Variants in ERICH2 observed in about 807,000 individuals in gnomAD.
ERICH2 encodes the protein glutamate rich 2.
A neutral mutation model predicts 17.4 loss-of-function variants in ERICH2; 17 were observed. The ratio of observed to expected loss-of-function variants is 0.98; its 90% CI spans 0.67 to 1.47. The LOEUF (loss-of-function observed/expected upper bound fraction) is 1.47, where lower values mean the gene tolerates loss of function less well. Among genes scored for constraint, ERICH2 ranks in the 40% most tolerant of loss-of-function variants. The probability of loss-of-function intolerance (pLI) is 0.00; values close to 1 mark genes in which losing one functional copy is unlikely to be tolerated. For missense variants in ERICH2, 186 were observed against 183.2 expected, an observed-to-expected ratio of 1.01 and a Z score of -0.09; for synonymous variants, 51 against 61.1, an observed-to-expected ratio of 0.83 and a Z score of 0.77.
At chr2:170,774,023 A>G in the ERICH2 span, among the ~76,000 whole-genome samples, 1 of 152,150 alleles carries the variant, frequency 6.6e-6, no homozygotes, top group Admixed American at 6.5e-5. Flanking sequence ...CACCTGACCC[A>G]AATACCTGTT....
chr2:170,775,753 A>C, the ERICH2 span: 1 of 154,010 alleles, frequency 6.5e-6, no homozygotes, highest in Non-Finnish European at 1.5e-5. Context: ...GAATTAACGT[A>C]TGTAATGTTG....
chr2:170,777,625 G>T, the ERICH2 span: 3 of 1,226,454 alleles, frequency 2.4e-6, no homozygotes, highest in Non-Finnish European at 3.1e-6. Context: ...AATACTGAGG[G>T]TATTTTTTTC....
At chr2:170,796,732 C>T (rs112373667) in intron 3 of ERICH2, among the ~76,000 whole-genome samples, 3,093 of 152,170 alleles carry the variant, frequency 0.02, 126 homozygotes, top group Admixed American at 0.1. Context: ...CCACCATGCC[C>T]AGCCTCACAA....
intron 2 of ERICH2, among the ~76,000 whole-genome samples, chr2:170,789,664 C>T (rs547711128): frequency 1.8e-4 from 27 of 152,262 alleles, no homozygotes; most frequent in Admixed American, 1.4e-3. Context: ...CTTAATTTTA[C>T]TGCCTTTTGA....
At chr2:170,797,659 G>A (rs566074671) in intron 3 of ERICH2, among the ~76,000 whole-genome samples, 14 of 152,032 alleles carry the variant, frequency 9.2e-5, no homozygotes, top group African/African-American at 2.2e-4. Context: ...TTAGCCAGGC[G>A]TGGTGGCACA....
chr2:170,793,683 G>A (rs1701344411), intron 3 of ERICH2, among the ~76,000 whole-genome samples: 1 of 152,236 alleles, frequency 6.6e-6, no homozygotes, highest in African/African-American at 2.4e-5. Flanking sequence ...TAGGCAAGGG[G>A]TTGTCAGATT....
At chr2:170,775,207 G>A in the ERICH2 span, among the ~76,000 whole-genome samples, 7 of 151,656 alleles carry the variant, frequency 4.6e-5, no homozygotes, top group South Asian at 2.1e-4. Context: ...CAGGAGGATC[G>A]CTTAAGAGCC....
At chr2:170,774,189 T>A in the ERICH2 span, among the ~76,000 whole-genome samples, 1 of 152,230 alleles carries the variant, frequency 6.6e-6, no homozygotes, top group Non-Finnish European at 1.5e-5. Flanking sequence ...CAAGTATCAG[T>A]ACTTTAGGTA....
At chr2:170,784,623 A>C (rs1376946499) in intron 1 of ERICH2, 23 bp from the exon 7 acceptor site, 6 of 1,403,718 alleles carry the variant, frequency 4.3e-6, no homozygotes, top group Admixed American at 3.0e-5. Flanking sequence ...TCTTTTGATT[A>C]AATTAGGTAT....
intron 3 of ERICH2, among the ~76,000 whole-genome samples, chr2:170,796,211 T>C (rs1193256427): frequency 1.3e-5 from 2 of 152,174 alleles, no homozygotes; most frequent in Non-Finnish European, 2.9e-5. Context: ...TGGGTATGTA[T>C]AATGATACAT....
intron 2 of ERICH2, among the ~76,000 whole-genome samples, chr2:170,791,703 TAAATA>T (rs570648832): frequency 0.015 from 2,020 of 135,800 alleles, 53 homozygotes; most frequent in African/African-American, 0.045. Flanking sequence ...AATAAATAAA[TAAATA>T]AAATAAAATA....
At chr2:170,793,984 C>A (rs943895134) in intron 3 of ERICH2, among the ~76,000 whole-genome samples, 5 of 151,834 alleles carry the variant, frequency 3.3e-5, no homozygotes, top group Non-Finnish European at 1.5e-5. Flanking sequence ...TCCAATTACA[C>A]ACAAATTAGA....
chr2:170,775,649 C>G, the ERICH2 span: 3 of 152,234 alleles, frequency 2.0e-5, no homozygotes, highest in African/African-American at 7.3e-5. Context: ...TTCATTTATC[C>G]TAGAGTTTGG....
intron 2 of ERICH2, among the ~76,000 whole-genome samples, 196 bp from the exon 8 acceptor site, chr2:170,792,667 A>T (rs1487885665): frequency 6.6e-6 from 1 of 152,206 alleles, no homozygotes; most frequent in Non-Finnish European, 1.5e-5. Context: ...TATCATCCTT[A>T]CCCCATGTGG....
intron 3 of ERICH2, among the ~76,000 whole-genome samples, chr2:170,796,858 A>G (rs1237601187): frequency 1.3e-5 from 2 of 152,148 alleles, no homozygotes; most frequent in Non-Finnish European, 2.9e-5. Flanking sequence ...CAAAATTATG[A>G]ATACTCCTCA....
intron 2 of ERICH2, 77 bp from the exon 8 acceptor site, chr2:170,792,786 T>C: frequency 1.1e-6 from 1 of 902,184 alleles, no homozygotes. Flanking sequence ...TAACTAATGA[T>C]TAATGGAAGA....
At chr2:170,792,733 A>T in intron 2 of ERICH2, 130 bp from the exon 8 acceptor site, 1 of 598,442 alleles carries the variant, frequency 1.7e-6, no homozygotes, top group Non-Finnish European at 3.0e-6. Flanking sequence ...TATTCATTAT[A>T]GACTGACTCC....
chr2:170,798,270 G>C (rs1272775632), intron 4 of ERICH2, among the ~76,000 whole-genome samples, 158 bp downstream of exon 9: 2 of 152,150 alleles, frequency 1.3e-5, no homozygotes, highest in African/African-American at 4.8e-5. Context: ...CTTGTCCTCT[G>C]TGGATGGTCA....
the ERICH2 span, among the ~76,000 whole-genome samples, chr2:170,770,390 C>G: frequency 6.6e-6 from 1 of 152,196 alleles, no homozygotes; most frequent in Non-Finnish European, 1.5e-5. Context: ...GGCAGAGCAG[C>G]AGCTCTGGCG....
Sources: gnomAD v4.1 joint callset for allele counts (sites outside exome capture counted in the v4.1 genomes callset) on GRCh38, gnomAD v4.1.1 for gene constraint, MANE v1.5 for transcripts, NCBI Gene and HGNC (gene_info 2026-07-23, HGNC 2026-07-21) for gene names.